The following CARMIL1 variants were observed in gnomAD, a reference collection of about 807,000 sequenced individuals.
CARMIL1 encodes the protein F-actin-uncapping protein LRRC16A.
In CARMIL1, 90 loss-of-function variants were observed where a neutral mutation model predicts 177.1. That is an observed-to-expected ratio of 0.51 (90% CI 0.43 to 0.61). The LOEUF (loss-of-function observed/expected upper bound fraction) is 0.61, where lower values mean the gene tolerates loss of function less well. CARMIL1 is among the 20% of genes least tolerant of loss of function. The probability of loss-of-function intolerance (pLI) is 0.00; values close to 1 mark genes in which losing one functional copy is unlikely to be tolerated. For synonymous variants in CARMIL1, 577 were observed against 606.2 expected, an observed-to-expected ratio of 0.95 and a Z score of 0.71; for missense variants, 1,380 against 1,667.0, an observed-to-expected ratio of 0.83 and a Z score of 3.00.
chr6:25,587,247 T>C (rs1332726706), intron 31 of CARMIL1, among the ~76,000 whole-genome samples: 1 of 151,956 alleles, frequency 6.6e-6, no homozygotes. Flanking sequence ...TTTCTTTCTT[T>C]TTTCCTTTTT....
chr6:25,388,920 C>T (rs1346147497), intron 2 of CARMIL1, among the ~76,000 whole-genome samples: 3 of 151,876 alleles, frequency 2.0e-5, no homozygotes, highest in Admixed American at 6.6e-5. Flanking sequence ...TGGCCTCAAG[C>T]GATCTTCCTG....
chr6:25,385,954 T>G lies in CARMIL1; in HGVS notation c.139-34160T>G, dbSNP rs545838898. 5.9e-5 allele frequency among the ~76,000 whole-genome samples: 9 copies of G among 152,292 alleles called. No homozygotes were observed. In the South Asian group the frequency reaches 1.9e-3, roughly 32 times the overall value. ...GTAAAGAAGGTGATGAAATTAATAT[T>G]TAGTTTTCAAAATCAGGTTACAGAT... On this transcript the variant is annotated intron_variant, in intron 2 of 36. Transcript: ENST00000329474.
chr6:25,315,183 C>G (rs992237534), intron 2 of CARMIL1, among the ~76,000 whole-genome samples: 2 of 152,160 alleles, frequency 1.3e-5, no homozygotes, highest in African/African-American at 4.8e-5. Flanking sequence ...GGATGAGGCT[C>G]TATGTCTTAG....
intron 2 of CARMIL1, among the ~76,000 whole-genome samples, chr6:25,330,093 T>C (rs190295214): frequency 6.6e-6 from 1 of 152,310 alleles, no homozygotes; most frequent in East Asian, 1.9e-4. Flanking sequence ...TCAGTAAACA[T>C]TGAATGCTCA....
chr6:25,288,397 A>G (rs188115378), intron 2 of CARMIL1, among the ~76,000 whole-genome samples: 2 of 151,912 alleles, frequency 1.3e-5, no homozygotes, highest in African/African-American at 4.8e-5. Context: ...GTATAATGAA[A>G]TATTAAGGCT....
rs188063653 is a variant in CARMIL1, at chr6:25,568,631, A to G, written c.2742+11781A>G. On this transcript the variant is annotated intron_variant, in intron 29 of 36. Coordinates refer to ENST00000329474, the MANE Select transcript of CARMIL1 (RefSeq NM_017640.6). The stretch of plus-strand genomic sequence containing the variant: ...CAAGTCCACCTCAGCCCTTGAGCCA[A>G]GTACTTAATGGAAATCCCCAAATGC... Among the ~76,000 whole-genome samples, 7 of 152,340 alleles carry G rather than the reference A, an allele frequency of 4.6e-5. No homozygotes were observed. The East Asian group carries it at 1.3e-3, about 29-fold the overall frequency.
At chr6:25,379,988 A>C (rs1231768481) in intron 2 of CARMIL1, among the ~76,000 whole-genome samples, 5 of 148,732 alleles carry the variant, frequency 3.4e-5, no homozygotes, top group Non-Finnish European at 7.4e-5. Context: ...TCTTACCTCC[A>C]TGGAATTTAT....
intron 16 of CARMIL1, among the ~76,000 whole-genome samples, chr6:25,497,112 C>A (rs1803808569): frequency 6.6e-6 from 1 of 152,100 alleles, no homozygotes; most frequent in African/African-American, 2.4e-5. Flanking sequence ...GCCTTCATGG[C>A]TGAAGATTGT....
intron 2 of CARMIL1, among the ~76,000 whole-genome samples, chr6:25,376,950 A>G (rs1791044729): frequency 6.6e-6 from 1 of 152,154 alleles, no homozygotes; most frequent in Non-Finnish European, 1.5e-5. Flanking sequence ...CAGGAAAGTG[A>G]TCCACCTTCC....
At chr6:25,412,722 T>A (rs906703523) in intron 2 of CARMIL1, among the ~76,000 whole-genome samples, 15 of 152,282 alleles carry the variant, frequency 9.9e-5, no homozygotes, top group African/African-American at 3.6e-4. Flanking sequence ...CAGGGGTCAG[T>A]AACCATATCT....
At chr6:25,409,682 G>A (rs1794736997) in intron 2 of CARMIL1, among the ~76,000 whole-genome samples, 1 of 152,136 alleles carries the variant, frequency 6.6e-6, no homozygotes, top group Non-Finnish European at 1.5e-5. Context: ...TGGATCCAGA[G>A]TAAAACATGC....
intron 17 of CARMIL1, among the ~76,000 whole-genome samples, chr6:25,506,204 G>A (rs1804894809): frequency 6.6e-6 from 1 of 152,184 alleles, no homozygotes; most frequent in Admixed American, 6.5e-5. Context: ...CACGTGACAG[G>A]ATGCATGTAT....
chr6:25,527,688 CTT>C (rs1279170964), intron 23 of CARMIL1: 9 of 447,494 alleles, frequency 2.0e-5, no homozygotes, highest in Non-Finnish European at 4.0e-5. Context: ...TTTCAGGTAT[CTT>C]TTCGTTTTTG....
chr6:25,311,881 A>G (rs1200639585), intron 2 of CARMIL1, among the ~76,000 whole-genome samples: 2 of 152,212 alleles, frequency 1.3e-5, no homozygotes, highest in African/African-American at 4.8e-5. Context: ...ACTCTCGATT[A>G]CTAGCCACTG....
At chr6:25,468,901 G>A (rs1465198025) in intron 9 of CARMIL1, among the ~76,000 whole-genome samples, 1 of 152,166 alleles carries the variant, frequency 6.6e-6, no homozygotes. Flanking sequence ...TGCACTGCAA[G>A]GTAGCCCAGA....
chr6:25,450,464 A>G (rs943722999), intron 7 of CARMIL1, 55 bp downstream of exon 7: 21 of 1,436,532 alleles, frequency 1.5e-5, no homozygotes, highest in East Asian at 4.6e-5. Context: ...AGAATATTCT[A>G]ATGTTTGGCT....
intron 2 of CARMIL1, among the ~76,000 whole-genome samples, chr6:25,387,114 C>A (rs1455720244): frequency 4.6e-3 from 466 of 101,694 alleles, no homozygotes; most frequent in African/African-American, 6.4e-3. Context: ...ACTCTGTCTC[C>A]AAAAAAAAAA....
intron 16 of CARMIL1, among the ~76,000 whole-genome samples, chr6:25,496,966 ATGT>A (rs1803790075): frequency 6.6e-6 from 1 of 152,132 alleles, no homozygotes; most frequent in Admixed American, 6.5e-5. Flanking sequence ...ATACCTGTAA[ATGT>A]TGTACTTCAA....
At chr6:25,468,219 C>T (rs749752877) in intron 9 of CARMIL1, among the ~76,000 whole-genome samples, 2 of 151,542 alleles carry the variant, frequency 1.3e-5, no homozygotes, top group South Asian at 2.1e-4. Flanking sequence ...AAAATGGTAC[C>T]GAATATGCAA....
Sources: gnomAD v4.1 joint callset for allele counts (sites outside exome capture counted in the v4.1 genomes callset) on GRCh38, gnomAD v4.1.1 for gene constraint, MANE v1.5 for transcripts, NCBI Gene and HGNC (gene_info 2026-07-23, HGNC 2026-07-21) for gene names.